Variants in SMYD3 observed in about 807,000 individuals in gnomAD.
SMYD3 encodes histone-lysine N-methyltransferase SMYD3.
Under a neutral mutation model 57.7 loss-of-function variants are expected in SMYD3, and 36 were observed. The observed-to-expected ratio is 0.62, with a 90% CI of 0.48 to 0.82. SMYD3 has a LOEUF of 0.82. SMYD3 is among the 40% of genes least tolerant of loss of function. SMYD3 has a pLI of 0.00. For synonymous variants in SMYD3, 211 were observed against 195.0 expected (o/e 1.08, Z -0.68); for missense variants, 515 against 538.8 (o/e 0.96, Z 0.44).
chr1:246,194,186 A>G (rs985736532), intron 5 of SMYD3, among the ~76,000 whole-genome samples: 5 of 152,018 alleles, frequency 3.3e-5, no homozygotes, highest in African/African-American at 9.7e-5. Flanking sequence ...TTAAAAAAGT[A>G]TCAAGGGGGT....
At chr1:246,311,328 A>T (rs1236688726) in intron 5 of SMYD3, among the ~76,000 whole-genome samples, 1 of 152,252 alleles carries the variant, frequency 6.6e-6, no homozygotes, top group East Asian at 1.9e-4. Context: ...TGATACAAGG[A>T]AAATATTTTC....
rs1056162307 is a variant in SMYD3 at position 245,951,451 on chromosome 1, C to T, written c.532-21514G>A. Among the ~76,000 whole-genome samples, 3 of 138,018 alleles carry T rather than the reference C, an allele frequency of 2.2e-5. 1 individual carries two copies. Among genetic ancestry groups the T allele is most frequent in the African/African-American group, 6.0e-5 (2 of 33,440 alleles). 90.5% of individuals were successfully genotyped at this position (138,018 alleles called of 152,430 possible). A position where few individuals can be genotyped will look rare whatever the true frequency, so the allele number is the denominator to read the frequency against. ...GGGCGAGGTGGTGCACGCCTGTAGT[C>T]CCAGCTACTCGGGAGGCTGAGGCAG... On this transcript the variant is annotated intron_variant, in intron 5 of 11. Transcript: ENST00000490107.
At chr1:245,919,103 G>A (rs145978559) in intron 7 of SMYD3, among the ~76,000 whole-genome samples, 3 of 152,286 alleles carry the variant, frequency 2.0e-5, no homozygotes, top group East Asian at 3.9e-4. Context: ...CCTGGACTAC[G>A]CAATGGCTTT....
chr1:245,972,617 C>T (rs1202675983), intron 5 of SMYD3, among the ~76,000 whole-genome samples: 3 of 152,234 alleles, frequency 2.0e-5, no homozygotes, highest in Non-Finnish European at 4.4e-5. Flanking sequence ...GTTCCTCCCC[C>T]AACCCCTGGA....
chr1:245,797,450 C>G (rs957784623), intron 10 of SMYD3, among the ~76,000 whole-genome samples: 4 of 145,996 alleles, frequency 2.7e-5, no homozygotes, highest in African/African-American at 1.0e-4. Flanking sequence ...ACCACATGTT[C>G]TCACTGATAG....
At chr1:245,768,733 G>A (rs981317720) in intron 10 of SMYD3, among the ~76,000 whole-genome samples, 1 of 152,120 alleles carries the variant, frequency 6.6e-6, no homozygotes, top group Non-Finnish European at 1.5e-5. Flanking sequence ...TGTTCAGCTT[G>A]TTTGCCTTCC....
At chr1:246,271,735 C>T (rs1246567200) in intron 5 of SMYD3, among the ~76,000 whole-genome samples, 1 of 152,168 alleles carries the variant, frequency 6.6e-6, no homozygotes, top group African/African-American at 2.4e-5. Flanking sequence ...CACATTGAGT[C>T]ATCCAGCTAT....
At chr1:246,045,576 G>T (rs999215441) in intron 5 of SMYD3, among the ~76,000 whole-genome samples, 7 of 152,016 alleles carry the variant, frequency 4.6e-5, no homozygotes, top group Non-Finnish European at 1.0e-4. Flanking sequence ...GCATGGGCAA[G>T]ACTTCATGTC....
chr1:246,091,235 G>A (rs34390436), intron 5 of SMYD3, among the ~76,000 whole-genome samples: 77,774 of 151,982 alleles, frequency 0.51, 21,440 homozygotes, highest in Non-Finnish European at 0.62. Context: ...CTTAGCCATC[G>A]CTTGAAGCTG....
chr1:246,088,841 T>A (rs76917600), intron 5 of SMYD3, among the ~76,000 whole-genome samples: 4,810 of 60,372 alleles, frequency 0.08, 103 homozygotes, highest in Non-Finnish European at 0.19. Flanking sequence ...ATGGCAAATG[T>A]TTTTATCTTT....
At chr1:246,147,008 G>C (rs896142427) in intron 5 of SMYD3, among the ~76,000 whole-genome samples, 1 of 152,174 alleles carries the variant, frequency 6.6e-6, no homozygotes, top group African/African-American at 2.4e-5. Context: ...ACAGTGTTCG[G>C]CAGAGGACAA....
At chr1:246,058,902 G>A (rs868281635) in intron 5 of SMYD3, among the ~76,000 whole-genome samples, 5 of 146,550 alleles carry the variant, frequency 3.4e-5, no homozygotes, top group African/African-American at 1.0e-4. Flanking sequence ...TTTTTGAGAC[G>A]GAGTCTCTGT....
intron 10 of SMYD3, among the ~76,000 whole-genome samples, chr1:245,786,711 T>TAA (rs772440660): frequency 6.6e-5 from 9 of 136,428 alleles, no homozygotes; most frequent in Non-Finnish European, 8.0e-5. Flanking sequence ...ATTCATCCCT[T>TAA]AAAAAAAAAA....
chr1:245,809,079 TG>T (rs2048328279), intron 10 of SMYD3, among the ~76,000 whole-genome samples: 1 of 152,184 alleles, frequency 6.6e-6, no homozygotes, highest in African/African-American at 2.4e-5. Context: ...GAAGTCAGAC[TG>T]GGCTCAAAAG....
chr1:245,784,157 C>A (rs2046943337), intron 10 of SMYD3, among the ~76,000 whole-genome samples: 1 of 152,176 alleles, frequency 6.6e-6, no homozygotes, highest in Non-Finnish European at 1.5e-5. Context: ...CTACTGAAGA[C>A]CAGAAGTAGC....
At chr1:246,240,571 A>T (rs10924599) in intron 5 of SMYD3, among the ~76,000 whole-genome samples, 3 of 138,190 alleles carry the variant, frequency 2.2e-5, no homozygotes, top group East Asian at 3.9e-4. Flanking sequence ...CTTGGCAATA[A>T]GGGCTCTTTT....
intron 5 of SMYD3, among the ~76,000 whole-genome samples, chr1:246,154,784 TTTTTG>T (rs1185959019): frequency 4.0e-5 from 6 of 150,708 alleles, no homozygotes; most frequent in Admixed American, 3.3e-4. Flanking sequence ...TGTTTTTTGT[TTTTTG>T]TTTTTTTTTT....
chr1:246,253,022 G>T (rs1572283347), intron 5 of SMYD3, among the ~76,000 whole-genome samples: 1 of 152,166 alleles, frequency 6.6e-6, no homozygotes, highest in East Asian at 1.9e-4. Flanking sequence ...TATGTTATTT[G>T]ACATTTCAAT....
intron 7 of SMYD3, among the ~76,000 whole-genome samples, chr1:245,926,509 G>A (rs6426327): frequency 0.69 from 104,748 of 152,088 alleles, 41,078 homozygotes; most frequent in Non-Finnish European, 0.89. Context: ...GAAATGTCTC[G>A]TATTTGGCAA....
Sources: gnomAD v4.1 joint callset for allele counts (sites outside exome capture counted in the v4.1 genomes callset) on GRCh38, gnomAD v4.1.1 for gene constraint, MANE v1.5 for transcripts, NCBI Gene and HGNC (gene_info 2026-07-23, HGNC 2026-07-21) for gene names.